The following CSNK1A1 variants were observed in gnomAD, a reference collection of about 807,000 sequenced individuals.
CSNK1A1 encodes casein kinase I isoform alpha.
In CSNK1A1, 7 loss-of-function variants were observed where a neutral mutation model predicts 46.1. That is an observed-to-expected ratio of 0.15 (90% confidence interval 0.09 to 0.29). The LOEUF is 0.29. Ranked by LOEUF, CSNK1A1 falls within the 10% of genes least tolerant of loss-of-function variation. CSNK1A1 has a pLI of 1.00. For synonymous variants in CSNK1A1, 137 were observed against 141.5 expected (o/e 0.97, Z 0.23); for missense variants, 96 against 417.1 (o/e 0.23, Z 6.71).
intron 4 of CSNK1A1, among the ~76,000 whole-genome samples, chr5:149,515,084 C>A (rs967095431): frequency 6.6e-6 from 1 of 152,148 alleles, no homozygotes; most frequent in African/African-American, 2.4e-5. Context: ...TCTGCAGATT[C>A]ATAGTGAAAA....
intron 2 of CSNK1A1, among the ~76,000 whole-genome samples, chr5:149,530,766 G>A (rs528481102): frequency 2.0e-5 from 3 of 152,068 alleles, no homozygotes; most frequent in Admixed American, 2.0e-4. Flanking sequence ...AGGAGTTCGA[G>A]ACCAGTCTGA....
At chr5:149,549,935 T>TA in intron 2 of CSNK1A1, 140 bp downstream of exon 2, 5 of 914,754 alleles carry the variant, frequency 5.5e-6, no homozygotes, top group Non-Finnish European at 8.1e-6. Context: ...ATGACTGACT[T>TA]ACAGGAAACC....
rs1307510436 is a variant in CSNK1A1, at chr5:149,498,299, CT to C, written c.1007-1440del. 1.1e-4 allele frequency: 109 copies of C among 984,936 alleles called. 1 individual carries two copies. The African/African-American group carries it at 1.6e-3, about 15-fold the overall frequency. 61.0% of individuals were successfully genotyped at this position (984,936 alleles called of 1,614,324 possible). On this transcript the variant is annotated intron_variant, in intron 9 of 9. Coordinates refer to ENST00000377843, the MANE Select transcript of CSNK1A1 (RefSeq NM_001892.6). Reference sequence around the variant, plus strand: ...ATAATAGATCTTTGTTGCCTGGGTACTAAGTCCATAAGCACCAAATGCCAAA... The same window carrying C: ...ATAATAGATCTTTGTTGCCTGGGTACAAGTCCATAAGCACCAAATGCCAAA...
chr5:149,504,594 G>A (rs1760968796), intron 9 of CSNK1A1: 1 of 985,300 alleles, frequency 1.0e-6, no homozygotes, highest in African/African-American at 1.7e-5. Context: ...TGCCCTAACA[G>A]TTCTACTCCT....
At chr5:149,514,870 T>C (rs187650992) in intron 4 of CSNK1A1, among the ~76,000 whole-genome samples, 1 of 152,310 alleles carries the variant, frequency 6.6e-6, no homozygotes, top group Admixed American at 6.5e-5. Flanking sequence ...TAGTAAATGT[T>C]AACTGGATGA....
chr5:149,547,644 G>A (rs1333091611), intron 2 of CSNK1A1, among the ~76,000 whole-genome samples: 1 of 151,730 alleles, frequency 6.6e-6, no homozygotes, highest in East Asian at 1.9e-4. Context: ...CAAATCAGGG[G>A]TGAGGGGCCT....
At chr5:149,498,422 T>C in intron 9 of CSNK1A1, 1 of 985,362 alleles carries the variant, frequency 1.0e-6, no homozygotes, top group Non-Finnish European at 1.2e-6. Flanking sequence ...ACCTTTCTTT[T>C]AAAGGTTGTC....
intron 7 of CSNK1A1, among the ~76,000 whole-genome samples, chr5:149,509,073 C>T (rs1394756841): frequency 2.0e-5 from 3 of 151,834 alleles, no homozygotes; most frequent in East Asian, 1.9e-4. Flanking sequence ...TACAGGCATG[C>T]GTCACCATGC....
intron 4 of CSNK1A1, among the ~76,000 whole-genome samples, chr5:149,519,219 A>C (rs1211863319): frequency 1.3e-5 from 2 of 152,136 alleles, no homozygotes; most frequent in Non-Finnish European, 2.9e-5. Context: ...GACAAATAAC[A>C]CCAATTCTAA....
chr5:149,540,627 G>A (rs979366168), intron 2 of CSNK1A1, among the ~76,000 whole-genome samples: 3 of 151,980 alleles, frequency 2.0e-5, no homozygotes, highest in African/African-American at 7.3e-5. Flanking sequence ...AGGCTTAGCT[G>A]TAATCCAAAA....
At chr5:149,498,177 G>A (rs953609783) in intron 9 of CSNK1A1, 2 of 985,042 alleles carry the variant, frequency 2.0e-6, no homozygotes, top group East Asian at 2.3e-4. Context: ...CATGGGCTTT[G>A]TGGGAGAAAC....
chr5:149,543,518 A>C (rs1258808744), intron 2 of CSNK1A1, among the ~76,000 whole-genome samples: 3 of 151,702 alleles, frequency 2.0e-5, no homozygotes, highest in Admixed American at 1.3e-4. Context: ...CTAAGCATGG[A>C]CACTGTAATA....
intron 9 of CSNK1A1, among the ~76,000 whole-genome samples, chr5:149,499,798 A>G (rs1304552041): frequency 6.6e-6 from 1 of 152,054 alleles, no homozygotes; most frequent in African/African-American, 2.4e-5. Flanking sequence ...GTTCAAAGGG[A>G]TATTTACGTA....
intron 2 of CSNK1A1, among the ~76,000 whole-genome samples, chr5:149,529,430 T>C (rs1337359466): frequency 6.6e-6 from 1 of 152,162 alleles, no homozygotes. Context: ...AAAGCACAAA[T>C]GTAAGACAAT....
intron 2 of CSNK1A1, among the ~76,000 whole-genome samples, chr5:149,542,605 T>C (rs1218350588): frequency 1.5e-4 from 1 of 6,730 alleles, no homozygotes; most frequent in African/African-American, 1.1e-3. Flanking sequence ...TATATATATA[T>C]ATATATATAT....
chr5:149,512,114 G>C (rs996902888), intron 5 of CSNK1A1, among the ~76,000 whole-genome samples: 6 of 151,602 alleles, frequency 4.0e-5, no homozygotes, highest in African/African-American at 1.5e-4. Flanking sequence ...AATTTTAAAA[G>C]AACAGAAACG....
At chr5:149,518,960 A>T (rs1487064000) in intron 4 of CSNK1A1, among the ~76,000 whole-genome samples, 1 of 152,162 alleles carries the variant, frequency 6.6e-6, no homozygotes, top group Non-Finnish European at 1.5e-5. Flanking sequence ...ATGGCCAAGA[A>T]GATTGGAGTC....
intron 9 of CSNK1A1, chr5:149,497,753 T>A: frequency 5.1e-6 from 5 of 985,508 alleles, no homozygotes; most frequent in South Asian, 9.4e-5. Context: ...CTATAGCTCA[T>A]TCTAGCCCAC....
intron 4 of CSNK1A1, among the ~76,000 whole-genome samples, chr5:149,516,659 T>C (rs1436981747): frequency 6.6e-6 from 1 of 152,130 alleles, no homozygotes; most frequent in African/African-American, 2.4e-5. Flanking sequence ...TAAGTAAAAA[T>C]GAGGCACTAT....
Sources: gnomAD v4.1 joint callset for allele counts (sites outside exome capture counted in the v4.1 genomes callset) on GRCh38, gnomAD v4.1.1 for gene constraint, MANE v1.5 for transcripts, NCBI Gene and HGNC (gene_info 2026-07-23, HGNC 2026-07-21) for gene names.